Variants in UBASH3B observed in about 807,000 individuals in gnomAD.
UBASH3B encodes the protein ubiquitin-associated and SH3 domain-containing protein B.
A neutral mutation model predicts 83.4 loss-of-function variants in UBASH3B; 37 were observed. The ratio of observed to expected loss-of-function variants is 0.44; its 90% CI spans 0.34 to 0.58. UBASH3B has a LOEUF of 0.58. Among genes scored for constraint, UBASH3B ranks in the 20% least tolerant of loss-of-function variants. The pLI, the probability that UBASH3B is intolerant of heterozygous loss-of-function variation, is 0.01. For missense variants in UBASH3B, 657 were observed against 827.2 expected (o/e 0.79, Z 2.52); for synonymous variants, 304 against 318.3 (o/e 0.96, Z 0.48).
At chr11:122,807,858 T>C (rs1293991656) in intron 12 of UBASH3B, among the ~76,000 whole-genome samples, 1 of 152,210 alleles carries the variant, frequency 6.6e-6, no homozygotes, top group Non-Finnish European at 1.5e-5. Context: ...CCCGGCCCCA[T>C]AAATCTGTAA....
intron 7 of UBASH3B, among the ~76,000 whole-genome samples, 174 bp from the exon 8 acceptor site, chr11:122,795,982 T>C (rs1861148268): frequency 6.6e-6 from 1 of 152,224 alleles, no homozygotes; most frequent in Admixed American, 6.5e-5. Context: ...ATGCAGTTTA[T>C]CTTATTCCAG....
At chr11:122,684,736 T>C (rs560489995) in intron 1 of UBASH3B, among the ~76,000 whole-genome samples, 1 of 152,302 alleles carries the variant, frequency 6.6e-6, no homozygotes, top group South Asian at 2.1e-4. Context: ...TAGCTGGGAT[T>C]ACAGGCATGC....
At position 122,758,372 on chromosome 11, in the gene UBASH3B, A is replaced by G. The variant is rs142885051; in HGVS notation, c.162-17847A>G. ...AGCTTAGCAGTGGTGGAACGGGCAG[A>G]GTAGAATTTCCTGAGATTTCAGCTG... On this transcript the variant is annotated intron_variant, in intron 1 of 13. Coordinates refer to ENST00000284273, the MANE Select transcript of UBASH3B (RefSeq NM_032873.5). The surrounding 1 kb of genome is among the most constrained non-coding windows in gnomAD (Gnocchi z 4.2). 4.2e-3 allele frequency among the ~76,000 whole-genome samples: 640 copies of G among 152,352 alleles called. 5 individuals carry two copies. Among genetic ancestry groups the G allele is most frequent in the African/African-American group, 0.015 (605 of 41,572 alleles).
At chr11:122,694,872 T>C (rs1402620809) in intron 1 of UBASH3B, among the ~76,000 whole-genome samples, 2 of 151,956 alleles carry the variant, frequency 1.3e-5, no homozygotes, top group South Asian at 2.1e-4. Context: ...TGTGCTTAAT[T>C]TGAGGTATGC....
chr11:122,720,743 T>C (rs7935844), intron 1 of UBASH3B, among the ~76,000 whole-genome samples: 25,302 of 152,166 alleles, frequency 0.17, 2,339 homozygotes, highest in Middle Eastern at 0.19. Flanking sequence ...TCTCCCTCCC[T>C]GACTCATTCA....
At chr11:122,681,694 G>GCA (rs35104730) in intron 1 of UBASH3B, among the ~76,000 whole-genome samples, 209 of 150,062 alleles carry the variant, frequency 1.4e-3, no homozygotes, top group African/African-American at 3.8e-3. Context: ...GTACACACAT[G>GCA]CACACACACA....
At chr11:122,685,981 A>C (rs369315941) in intron 1 of UBASH3B, among the ~76,000 whole-genome samples, 37 of 152,210 alleles carry the variant, frequency 2.4e-4, no homozygotes, top group Non-Finnish European at 4.0e-4. Flanking sequence ...TAAGTTGCAC[A>C]AGCCCACACG....
Position 122,783,132 on chromosome 11 carries a change from A to G in UBASH3B, c.681A>G (p.Leu227=). ...TCCAAGCCAGCCACCTACCCACCCTAGAGAAACTGGCCCAGAACATTGACG... is the reference window on the plus strand; with the variant it reads ...TCCAAGCCAGCCACCTACCCACCCTGGAGAAACTGGCCCAGAACATTGACG... ...YHFQASHLPT[L]EKLAQNIDVK... is the part of the protein sequence containing the mutation. Residue 227 remains leucine (L), a synonymous_variant, in exon 5 of 14, where the codon CTA becomes CTG. Transcript: ENST00000284273. The G allele has an allele frequency of 6.2e-7, 1 of 1,614,148 alleles. No homozygotes were observed. Among genetic ancestry groups the G allele is most frequent in the Non-Finnish European group, 8.5e-7 (1 of 1,180,008 alleles).
chr11:122,695,928 C>T (rs991762437), intron 1 of UBASH3B, among the ~76,000 whole-genome samples: 1 of 152,126 alleles, frequency 6.6e-6, no homozygotes, highest in Non-Finnish European at 1.5e-5. Flanking sequence ...AGCCTGATAA[C>T]CAAATAGTTT....
At chr11:122,720,791 C>G (rs1044763796) in intron 1 of UBASH3B, among the ~76,000 whole-genome samples, 3 of 152,144 alleles carry the variant, frequency 2.0e-5, no homozygotes, top group Non-Finnish European at 4.4e-5. Flanking sequence ...AATAGGAATC[C>G]CTTCCCACCC....
intron 1 of UBASH3B, among the ~76,000 whole-genome samples, chr11:122,661,782 G>A (rs1332628477): frequency 1.2e-4 from 18 of 151,228 alleles, no homozygotes; most frequent in African/African-American, 3.9e-4. Flanking sequence ...TTGGTATGCA[G>A]GGACTGCATT....
chr11:122,812,840 G>A lies in UBASH3B; in HGVS notation c.*2954G>A, dbSNP rs1053600719. The A allele has an allele frequency of 3.3e-5, 5 of 152,192 alleles. No individual in the cohort carries two copies. Among genetic ancestry groups the A allele is most frequent in the Non-Finnish European group, 7.4e-5 (5 of 68,018 alleles). The allele number at this position is 152,192 out of a possible 1,614,324, so 9.4% of individuals were successfully genotyped here. A position where few individuals can be genotyped will look rare whatever the true frequency, so the allele number is the denominator to read the frequency against. On this transcript the variant is annotated 3_prime_UTR_variant, in exon 14 of 14. Coordinates refer to ENST00000284273, the MANE Select transcript of UBASH3B (RefSeq NM_032873.5). The stretch of plus-strand genomic sequence containing the variant: ...ATAAGCTGGGGGTTTCATTTTCCCA[G>A]GCTCTCTTCACCATCACTGCATTGG...
chr11:122,790,172 T>G (rs1215132753), intron 6 of UBASH3B, among the ~76,000 whole-genome samples: 4 of 152,196 alleles, frequency 2.6e-5, no homozygotes, highest in Non-Finnish European at 5.9e-5. Flanking sequence ...CTAATATTGT[T>G]ATTATTGCCA....
At chr11:122,659,018 G>A (rs1863399268) in intron 1 of UBASH3B, among the ~76,000 whole-genome samples, 1 of 152,130 alleles carries the variant, frequency 6.6e-6, no homozygotes, top group Non-Finnish European at 1.5e-5. Context: ...GGCATTCTTT[G>A]GCTTGTGGCT....
intron 11 of UBASH3B, among the ~76,000 whole-genome samples, chr11:122,805,604 C>A (rs955730540): frequency 6.6e-6 from 1 of 152,048 alleles, no homozygotes; most frequent in Non-Finnish European, 1.5e-5. Context: ...AAAAAATAAA[C>A]CATCAGATCT....
chr11:122,664,583 C>T (rs1253534490), intron 1 of UBASH3B, among the ~76,000 whole-genome samples: 1 of 152,060 alleles, frequency 6.6e-6, no homozygotes, highest in Admixed American at 6.5e-5. Flanking sequence ...GCAGTGATCG[C>T]AGTCCTCTGG....
chr11:122,767,857 G>A (rs2135126946), intron 1 of UBASH3B, among the ~76,000 whole-genome samples: 1 of 152,334 alleles, frequency 6.6e-6, no homozygotes, highest in Admixed American at 6.5e-5. Context: ...GGAGTCAGAA[G>A]CAGCTGAGTT....
In UBASH3B at chr11:122,723,991, C is replaced by A. The variant is rs547446686; in HGVS notation, c.162-52228C>A. On this transcript the variant is annotated intron_variant, in intron 1 of 13. Coordinates refer to ENST00000284273, the MANE Select transcript of UBASH3B (RefSeq NM_032873.5). ...CCCGGAGTTTAAATGCTTATGTGGA[C>A]TTTGGTGGGTGGTCCCCTCATCCCA... 9.8e-5 allele frequency among the ~76,000 whole-genome samples: 15 copies of A among 152,306 alleles called. No individual in the cohort carries two copies. The South Asian group carries it at 2.5e-3, about 25-fold the overall frequency.
intron 5 of UBASH3B, among the ~76,000 whole-genome samples, chr11:122,783,798 T>C (rs758779923): frequency 6.6e-6 from 1 of 152,204 alleles, no homozygotes; most frequent in Non-Finnish European, 1.5e-5. Context: ...TGAGAGTTTC[T>C]GCACATCCCA....
Sources: gnomAD v4.1 joint callset for allele counts (sites outside exome capture counted in the v4.1 genomes callset) on GRCh38, gnomAD v4.1.1 for gene constraint, Gnocchi (gnomAD v3.1) non-coding constraint, MANE v1.5 for transcripts, NCBI Gene and HGNC (gene_info 2026-07-23, HGNC 2026-07-21) for gene names.